Variants in PPP6R3 observed in about 807,000 individuals in gnomAD.
PPP6R3 encodes the protein serine/threonine-protein phosphatase 6 regulatory subunit 3.
PPP6R3 carries 38 observed loss-of-function variants against 110.7 expected under a neutral mutation model. The ratio of observed to expected loss-of-function variants is 0.34; its 90% CI spans 0.26 to 0.45. PPP6R3 has a LOEUF of 0.45. Among genes scored for constraint, PPP6R3 ranks in the 20% least tolerant of loss-of-function variants. The pLI is 1.00. For missense variants in PPP6R3, 870 were observed against 1,062.4 expected (o/e 0.82, Z 2.52); for synonymous variants, 369 against 373.5 (o/e 0.99, Z 0.14).
intron 14 of PPP6R3, among the ~76,000 whole-genome samples, chr11:68,581,937 A>G (rs910901676): frequency 2.0e-5 from 3 of 152,224 alleles, no homozygotes; most frequent in African/African-American, 4.8e-5. Context: ...TTTACCAAAG[A>G]TGGTTGGGGA....
At chr11:68,560,436 A>AT (rs1474550199) in intron 8 of PPP6R3, among the ~76,000 whole-genome samples, 1 of 152,252 alleles carries the variant, frequency 6.6e-6, no homozygotes, top group Non-Finnish European at 1.5e-5. Context: ...CAAACAATGC[A>AT]TTAAACAGAT....
intron 14 of PPP6R3, among the ~76,000 whole-genome samples, chr11:68,580,751 T>A (rs1374371109): frequency 8.4e-4 from 1 of 1,184 alleles, no homozygotes; most frequent in South Asian, 0.05. Context: ...ATAATCTTTT[T>A]TTTTTTTTTT....
intron 2 of PPP6R3, chr11:68,535,677 G>A (rs1428889040): frequency 6.6e-6 from 1 of 151,488 alleles, no homozygotes; most frequent in Non-Finnish European, 1.5e-5. Context: ...TTAAAACTCT[G>A]CTTGGCCGGG....
chr11:68,583,152 CTTTTTG>C (rs1308835188), intron 15 of PPP6R3, 23 bp downstream of exon 15: 8 of 1,480,060 alleles, frequency 5.4e-6, no homozygotes, highest in Non-Finnish European at 7.3e-6. Context: ...TAAAGCTTTG[CTTTTTG>C]TTTTTATTTT....
chr11:68,610,417 G>A (rs1301147677), intron 23 of PPP6R3, among the ~76,000 whole-genome samples: 1 of 152,138 alleles, frequency 6.6e-6, no homozygotes, highest in Non-Finnish European at 1.5e-5. Flanking sequence ...CGAGCAGATC[G>A]TGGTGCCTAT....
Position 68,613,367 on chromosome 11 carries a change from GC to G in PPP6R3, c.*252del. 1 of 1,205,914 alleles carries G rather than the reference GC, an allele frequency of 8.3e-7. No individual in the cohort carries two copies. The allele number at this position is 1,205,914 out of a possible 1,614,324, so 74.7% of individuals were successfully genotyped here. Reference sequence around the variant, plus strand: ...ATTGTATTGTTCTAAATAATGGGTAGCCTGTGAAATAAGATCTTGCCACCCA... The same window carrying G: ...ATTGTATTGTTCTAAATAATGGGTAGCTGTGAAATAAGATCTTGCCACCCA... On this transcript the variant is annotated 3_prime_UTR_variant, in exon 24 of 24. Transcript: ENST00000393800.
At chr11:68,558,451 A>G in intron 7 of PPP6R3, 115 bp from the exon 8 acceptor site, 1 of 628,826 alleles carries the variant, frequency 1.6e-6, no homozygotes. Context: ...TAGTAAAACA[A>G]ATATGCCCAA....
intron 1 of PPP6R3, among the ~76,000 whole-genome samples, chr11:68,472,964 T>TA (rs1195141639): frequency 6.6e-6 from 1 of 152,248 alleles, no homozygotes; most frequent in Non-Finnish European, 1.5e-5. Context: ...ATTGTATGGA[T>TA]ATACCACATT....
At chr11:68,606,636 A>G (rs1940213283) in intron 22 of PPP6R3, among the ~76,000 whole-genome samples, 1 of 152,138 alleles carries the variant, frequency 6.6e-6, no homozygotes, top group African/African-American at 2.4e-5. Flanking sequence ...TTAACTTGGT[A>G]TAAGTTAAAT....
chr11:68,533,456 TA>T (rs1260636131), intron 2 of PPP6R3, among the ~76,000 whole-genome samples: 1 of 152,130 alleles, frequency 6.6e-6, no homozygotes. Context: ...CTCAAACCTG[TA>T]ATCCCAGCAC....
rs116515576 is a variant in PPP6R3 at position 68,479,824 on chromosome 11, G to A, written c.-158+18997G>A. ...TGCTATCCTGGCTCACTGTAGCCTCGGACACCTGGACTCATGTGATCCTCC... is the reference window on the plus strand; with the variant it reads ...TGCTATCCTGGCTCACTGTAGCCTCAGACACCTGGACTCATGTGATCCTCC... On this transcript the variant is annotated intron_variant, in intron 1 of 23. Transcript: ENST00000393800. Among the ~76,000 whole-genome samples the A allele has an allele frequency of 9.7e-3, 1,474 of 151,368 alleles. 26 individuals carry two copies. Among genetic ancestry groups the A allele is most frequent in the African/African-American group, 0.034 (1,405 of 41,224 alleles).
chr11:68,515,948 A>C (rs2099134514), intron 1 of PPP6R3, among the ~76,000 whole-genome samples: 1 of 152,238 alleles, frequency 6.6e-6, no homozygotes, highest in African/African-American at 2.4e-5. Context: ...GTGTACAGTT[A>C]ATAGTATACC....
chr11:68,479,307 A>T (rs530109034), intron 1 of PPP6R3, among the ~76,000 whole-genome samples: 74 of 152,092 alleles, frequency 4.9e-4, no homozygotes, highest in Non-Finnish European at 1.0e-3. Context: ...CCCCTTGGAG[A>T]CGCGGAATAA....
intron 1 of PPP6R3, among the ~76,000 whole-genome samples, chr11:68,481,023 C>T (rs189715399): frequency 1.3e-5 from 2 of 152,084 alleles, no homozygotes; most frequent in Admixed American, 1.3e-4. Flanking sequence ...ACATTAAAAA[C>T]AATCTGGAAA....
chr11:68,534,815 T>C (rs1270835225), intron 2 of PPP6R3, among the ~76,000 whole-genome samples: 3 of 152,336 alleles, frequency 2.0e-5, no homozygotes, highest in East Asian at 1.9e-4. Flanking sequence ...TGAGCTGTAT[T>C]ATTCCACCAG....
At chr11:68,481,701 G>A (rs541891723) in intron 1 of PPP6R3, among the ~76,000 whole-genome samples, 6 of 152,144 alleles carry the variant, frequency 3.9e-5, no homozygotes, top group Non-Finnish European at 7.4e-5. Flanking sequence ...TCACTTTTTG[G>A]TATCAGTTAC....
intron 1 of PPP6R3, among the ~76,000 whole-genome samples, chr11:68,476,171 A>G (rs1319105564): frequency 1.3e-5 from 2 of 152,132 alleles, no homozygotes; most frequent in East Asian, 1.9e-4. Flanking sequence ...AGCCTGGGCA[A>G]CATTGAGCAC....
intron 2 of PPP6R3, among the ~76,000 whole-genome samples, chr11:68,537,186 A>AT (rs1199808014): frequency 6.6e-6 from 1 of 152,160 alleles, no homozygotes; most frequent in East Asian, 1.9e-4. Context: ...AATGGCACAG[A>AT]TTTTACCAGT....
intron 13 of PPP6R3, among the ~76,000 whole-genome samples, chr11:68,574,731 A>G (rs2099523768): frequency 6.6e-6 from 1 of 152,198 alleles, no homozygotes; most frequent in Non-Finnish European, 1.5e-5. Flanking sequence ...ATAGCATTTC[A>G]GTTTAATCAG....
Sources: gnomAD v4.1 joint callset for allele counts (sites outside exome capture counted in the v4.1 genomes callset) on GRCh38, gnomAD v4.1.1 for gene constraint, MANE v1.5 for transcripts, NCBI Gene and HGNC (gene_info 2026-07-23, HGNC 2026-07-21) for gene names.